Variants in TAOK3 observed in about 807,000 individuals in gnomAD.
The protein encoded by TAOK3 is serine/threonine-protein kinase TAO3.
In TAOK3, 40 loss-of-function variants were observed where a neutral mutation model predicts 120.4. The ratio of observed to expected loss-of-function variants is 0.33; its 90% CI spans 0.26 to 0.43. The LOEUF is 0.43. Ranked by LOEUF, TAOK3 falls within the 20% of genes least tolerant of loss-of-function variation. The pLI is 1.00. For missense variants in TAOK3, 821 were observed against 1,112.1 expected (o/e 0.74, Z 3.72); for synonymous variants, 355 against 387.5 (o/e 0.92, Z 0.99).
intron 1 of TAOK3, among the ~76,000 whole-genome samples, chr12:118,344,368 G>A (rs1294812108): frequency 2.6e-5 from 4 of 151,928 alleles, no homozygotes; most frequent in South Asian, 4.2e-4. Flanking sequence ...AAGTGCAGGT[G>A]TAAATCTCTG....
At chr12:118,254,927 T>G (rs1377697814) in intron 3 of TAOK3, among the ~76,000 whole-genome samples, 2 of 151,852 alleles carry the variant, frequency 1.3e-5, no homozygotes, top group African/African-American at 4.8e-5. Context: ...CTGGCTAATT[T>G]TTTTTTTTGT....
intron 1 of TAOK3, among the ~76,000 whole-genome samples, chr12:118,329,501 A>G (rs2044061693): frequency 6.6e-6 from 1 of 152,222 alleles, no homozygotes; most frequent in African/African-American, 2.4e-5. Flanking sequence ...TAAAATTAAT[A>G]TTAAACATCT....
At chr12:118,207,539 G>A (rs888446695) in intron 11 of TAOK3, among the ~76,000 whole-genome samples, 4 of 151,954 alleles carry the variant, frequency 2.6e-5, no homozygotes, top group Non-Finnish European at 4.4e-5. Context: ...GAATTTAACA[G>A]GATTAGAAGA....
In TAOK3 at chr12:118,245,058, A is replaced by G. The variant is rs549134599; in HGVS notation, c.121-93T>C. On this transcript the variant is annotated intron_variant, in intron 3 of 20. Coordinates refer to ENST00000392533, the MANE Select transcript of TAOK3 (RefSeq NM_016281.4). ...TTGACTAGAGACTATTTATTTATAT[A>G]TTTATTTATTGACAGTCTCATTCTG... 1.3e-5 allele frequency: 10 copies of G among 774,414 alleles called. No homozygotes were observed. The African/African-American group carries it at 1.8e-4, about 14-fold the overall frequency. The allele number at this position is 774,414 out of a possible 1,614,324, so 48.0% of individuals were successfully genotyped here. A position where few individuals can be genotyped will look rare whatever the true frequency, so the allele number is the denominator to read the frequency against.
intron 3 of TAOK3, among the ~76,000 whole-genome samples, chr12:118,254,849 C>T (rs940142943): frequency 6.6e-6 from 1 of 152,170 alleles, no homozygotes; most frequent in African/African-American, 2.4e-5. Flanking sequence ...GCTCCACCTC[C>T]CTGGTTCATG....
At chr12:118,209,837 C>T (rs776771035) in intron 11 of TAOK3, among the ~76,000 whole-genome samples, 11 of 151,896 alleles carry the variant, frequency 7.2e-5, no homozygotes, top group Non-Finnish European at 1.0e-4. Context: ...CTTGAGCCTC[C>T]GAAGCAGCTG....
chr12:118,284,199 A>T (rs1204836698), intron 1 of TAOK3, among the ~76,000 whole-genome samples: 1 of 152,108 alleles, frequency 6.6e-6, no homozygotes, highest in Non-Finnish European at 1.5e-5. Context: ...TGTAGAATTT[A>T]TTTTTTGTAA....
intron 1 of TAOK3, among the ~76,000 whole-genome samples, chr12:118,305,546 T>C (rs537292902): frequency 3.3e-5 from 5 of 152,274 alleles, no homozygotes; most frequent in African/African-American, 9.6e-5. Context: ...TGTGATATTC[T>C]ATAGAGAACA....
At position 118,181,437 on chromosome 12, in the gene TAOK3, A is replaced by C; in HGVS notation, c.1500T>G (p.His500Gln). The change falls in exon 15 of 21, where the codon CAT (histidine) becomes CAG (glutamine). Residue 500 changes from histidine (H) to glutamine (Q), a missense_variant. By Grantham distance (24) the His-to-Gln change is conservative. Around this residue, in one of 2 missense-constraint regions of TAOK3, gnomAD observed 354 missense variants for 572.1 expected, o/e 0.62. Transcript: ENST00000392533. ...CCAGCTCGATGGACGAGTTGTTGGC[A>C]TGCGTCTCCACCTCCTTCTGTAGCT... ...RLKLQKEVET[H>Q]ANNSSIELEK... 1 of 1,614,146 alleles carries C rather than the reference A, an allele frequency of 6.2e-7. No individual in the cohort carries two copies. The highest frequency in any genetic ancestry group is 1.3e-5 in the African/African-American group (1 of 75,036).
At chr12:118,302,362 T>G (rs573642191) in intron 1 of TAOK3, among the ~76,000 whole-genome samples, 1 of 152,228 alleles carries the variant, frequency 6.6e-6, no homozygotes, top group East Asian at 1.9e-4. Context: ...CAGTCTAGAG[T>G]GCTAGGTAAG....
intron 3 of TAOK3, among the ~76,000 whole-genome samples, chr12:118,247,141 G>C (rs1358602594): frequency 5.9e-5 from 9 of 152,160 alleles, no homozygotes; most frequent in Admixed American, 5.9e-4. Flanking sequence ...GTGAAATGTG[G>C]CTAGTGTGAC....
At chr12:118,338,102 G>A (rs1301873774) in intron 1 of TAOK3, among the ~76,000 whole-genome samples, 1 of 152,180 alleles carries the variant, frequency 6.6e-6, no homozygotes, top group East Asian at 1.9e-4. Flanking sequence ...TGTAGCTCAT[G>A]TACAGTTATA....
chr12:118,253,750 AC>A (rs1339552640), intron 3 of TAOK3, among the ~76,000 whole-genome samples: 7 of 23,020 alleles, frequency 3.0e-4, no homozygotes, highest in African/African-American at 1.4e-3. Context: ...AAACAAACAA[AC>A]AAACAAAAAA....
rs369092256 is a variant in TAOK3 at position 118,251,207 on chromosome 12, A to T, written c.120+4241T>A. ...AGGCAATCATAGTTGTCCAAATAAGAGATAGCAGAGTCTTCCTGGTAATAA... is the reference window on the plus strand; with the variant it reads ...AGGCAATCATAGTTGTCCAAATAAGTGATAGCAGAGTCTTCCTGGTAATAA... On this transcript the variant is annotated intron_variant, in intron 3 of 20. Transcript: ENST00000392533. Among the ~76,000 whole-genome samples, 4 of 152,172 alleles carry T rather than the reference A, an allele frequency of 2.6e-5. No individual in the cohort carries two copies. In the East Asian group the frequency reaches 7.7e-4, roughly 29 times the overall value.
At chr12:118,359,962 C>T (rs529407303) in intron 1 of TAOK3, among the ~76,000 whole-genome samples, 1 of 152,116 alleles carries the variant, frequency 6.6e-6, no homozygotes, top group Admixed American at 6.5e-5. Context: ...TTCTAAGATG[C>T]GCGATTATTA....
At chr12:118,305,415 G>C (rs1263715423) in intron 1 of TAOK3, among the ~76,000 whole-genome samples, 6 of 151,778 alleles carry the variant, frequency 4.0e-5, no homozygotes, top group African/African-American at 1.5e-4. Context: ...GGAGGTTGCA[G>C]TGAGCTGAGA....
chr12:118,234,241 T>TTTTA (rs2039921952), intron 8 of TAOK3, among the ~76,000 whole-genome samples: 1 of 98,386 alleles, frequency 1.0e-5, no homozygotes, highest in Non-Finnish European at 2.1e-5. Context: ...TTTTTTTTTT[T>TTTTA]TTTTTGAGAC....
intron 1 of TAOK3, among the ~76,000 whole-genome samples, chr12:118,368,163 C>G (rs2045791799): frequency 1.3e-5 from 2 of 152,188 alleles, no homozygotes; most frequent in African/African-American, 4.8e-5. Context: ...AGCCTTCATA[C>G]GGAACTGTAA....
At chr12:118,326,742 A>G (rs2043951436) in intron 1 of TAOK3, among the ~76,000 whole-genome samples, 1 of 152,202 alleles carries the variant, frequency 6.6e-6, no homozygotes, top group Non-Finnish European at 1.5e-5. Flanking sequence ...TACAGTTGTC[A>G]CCATATCAGT....
Sources: allele counts gnomAD v4.1 joint callset (sites outside exome capture counted in the v4.1 genomes callset), GRCh38; gene constraint gnomAD v4.1.1; regional missense constraint gnomAD v4.1.1; transcripts MANE v1.5; gene names NCBI Gene and HGNC (gene_info 2026-07-23, HGNC 2026-07-21).